The following CAMK2B variants were observed in gnomAD, a reference collection of about 807,000 sequenced individuals.
CAMK2B encodes the protein calcium/calmodulin dependent protein kinase II beta.
A neutral mutation model predicts 93.7 loss-of-function variants in CAMK2B; 27 were observed. The observed-to-expected ratio is 0.29, with a 90% CI of 0.21 to 0.40. CAMK2B has a LOEUF of 0.40. Ranked by LOEUF, CAMK2B falls within the 10% of genes least tolerant of loss-of-function variation. The pLI, the probability that CAMK2B is intolerant of heterozygous loss-of-function variation, is 1.00. For missense variants in CAMK2B, 568 were observed against 895.8 expected (o/e 0.63, Z 4.67); for synonymous variants, 374 against 358.8 (o/e 1.04, Z -0.48).
chr7:44,287,552 A>G (rs941920523), intron 1 of CAMK2B, among the ~76,000 whole-genome samples: 2 of 152,068 alleles, frequency 1.3e-5, no homozygotes, highest in African/African-American at 2.4e-5. Flanking sequence ...AGTGGCCACA[A>G]ACATGTTTAG....
chr7:44,319,846 GGTC>G (rs2116530830), intron 1 of CAMK2B, among the ~76,000 whole-genome samples: 1 of 152,262 alleles, frequency 6.6e-6, no homozygotes, highest in South Asian at 2.1e-4. Context: ...TGACACGGGG[GGTC>G]GTCATGAAAG....
At chr7:44,321,096 T>A (rs531097074) in intron 1 of CAMK2B, among the ~76,000 whole-genome samples, 10 of 152,314 alleles carry the variant, frequency 6.6e-5, no homozygotes, top group African/African-American at 2.4e-4. Context: ...GAGTGCCTGG[T>A]GTGCTCTGGG....
intron 1 of CAMK2B, among the ~76,000 whole-genome samples, chr7:44,317,670 A>C (rs995774021): frequency 6.6e-6 from 1 of 152,144 alleles, no homozygotes; most frequent in Admixed American, 6.5e-5. Flanking sequence ...CGTACTAGAA[A>C]ATTTTTAATC....
chr7:44,227,788 G>T, intron 19 of CAMK2B, among the ~76,000 whole-genome samples: 1 of 85,790 alleles, frequency 1.2e-5, no homozygotes, highest in South Asian at 4.3e-4. Flanking sequence ...GGGGACAGAG[G>T]AGGGTGTGGG....
chr7:44,238,594 G>A (rs183216015), intron 13 of CAMK2B, among the ~76,000 whole-genome samples: 93 of 152,342 alleles, frequency 6.1e-4, no homozygotes, highest in African/African-American at 2.2e-3. Flanking sequence ...CCAGAAGGAG[G>A]GTTCTCTGGC....
chr7:44,220,906 G>C lies in CAMK2B; in HGVS notation c.1598-5C>G, dbSNP rs528267706. 24 of 1,560,116 alleles carry C rather than the reference G, an allele frequency of 1.5e-5. No individual in the cohort carries two copies. The African/African-American group carries it at 2.4e-4, about 16-fold the overall frequency. The stretch of plus-strand genomic sequence containing the variant: ...TAATGATCTCCTGCTTCCGGGCTGT[G>C]GGGAGACATGGCCAGGTGACCACTG... On this transcript the variant is annotated splice_polypyrimidine_tract_variant and splice_region_variant and intron_variant, in intron 20 of 23. Transcript: ENST00000395749.
intron 1 of CAMK2B, among the ~76,000 whole-genome samples, chr7:44,317,228 T>C (rs1238832118): frequency 7.3e-6 from 1 of 136,990 alleles, no homozygotes; most frequent in Non-Finnish European, 1.6e-5. Flanking sequence ...CTATTATCCT[T>C]AAAAGAAACC....
At chr7:44,253,285 C>T (rs1341538692) in intron 5 of CAMK2B, among the ~76,000 whole-genome samples, 1 of 151,062 alleles carries the variant, frequency 6.6e-6, no homozygotes, top group Admixed American at 6.6e-5. Context: ...GCAATCTCAG[C>T]TCACTGCAAA....
chr7:44,231,809 C>A (rs1414888408), intron 16 of CAMK2B, among the ~76,000 whole-genome samples: 1 of 152,226 alleles, frequency 6.6e-6, no homozygotes, highest in African/African-American at 2.4e-5. Flanking sequence ...TTCAAAAGAC[C>A]ATCCCCCAGG....
At chr7:44,315,385 A>G (rs1794613713) in intron 1 of CAMK2B, among the ~76,000 whole-genome samples, 1 of 152,184 alleles carries the variant, frequency 6.6e-6, no homozygotes, top group Non-Finnish European at 1.5e-5. Context: ...AACTGAACAT[A>G]GATGTATGGA....
In CAMK2B at chr7:44,262,990, C is replaced by G; in HGVS notation, c.220+15G>C. ...GGTGGGGACCCATCCCCGCTCCCTA[C>G]CCCAGGCTGCTCACCGATGTTGGAA... On this transcript the variant is annotated intron_variant, in intron 3 of 23. Coordinates refer to ENST00000395749, the MANE Select transcript of CAMK2B (RefSeq NM_001220.5). 6.2e-7 allele frequency: 1 copy of G among 1,611,730 alleles called. No individual in the cohort carries two copies. The highest frequency in any genetic ancestry group is 8.5e-7 in the Non-Finnish European group (1 of 1,178,468).
intron 1 of CAMK2B, among the ~76,000 whole-genome samples, chr7:44,290,872 G>C (rs1786597763): frequency 6.6e-6 from 1 of 152,182 alleles, no homozygotes; most frequent in South Asian, 2.1e-4. Flanking sequence ...ATGTATGTTT[G>C]TATTATTGTT....
At chr7:44,234,740 C>A in intron 13 of CAMK2B, 64 bp from the exon 14 acceptor site, 1 of 1,550,186 alleles carries the variant, frequency 6.5e-7, no homozygotes, top group Non-Finnish European at 8.9e-7. Flanking sequence ...CAGCGCAACC[C>A]CACCCCTTTG....
intron 1 of CAMK2B, among the ~76,000 whole-genome samples, chr7:44,287,323 A>G (rs146349204): frequency 3.8e-4 from 58 of 151,956 alleles, no homozygotes; most frequent in Admixed American, 1.8e-3. Flanking sequence ...CACCCCAGTT[A>G]TTTGCCCGCT....
In CAMK2B at chr7:44,225,804, C is replaced by G. The variant is rs1457238657; in HGVS notation, c.1597+712G>C. On this transcript the variant is annotated intron_variant, in intron 20 of 23. Coordinates refer to ENST00000395749, the MANE Select transcript of CAMK2B (RefSeq NM_001220.5). This position sits in a 1 kb window ranked among gnomAD's most constrained non-coding sequence, Gnocchi z 5.0. Reference sequence around the variant, plus strand: ...CATGCCGAGCCCGTGGCCCAGCAGCCTCTTCTCTAAGAGTATCTCCACACC... The same window carrying G: ...CATGCCGAGCCCGTGGCCCAGCAGCGTCTTCTCTAAGAGTATCTCCACACC... 1.5e-5 allele frequency: 19 copies of G among 1,289,470 alleles called. No individual in the cohort carries two copies. The highest frequency in any genetic ancestry group is 1.9e-5 in the Non-Finnish European group (19 of 988,784). 79.9% of individuals were successfully genotyped at this position (1,289,470 alleles called of 1,614,324 possible). A position where few individuals can be genotyped will look rare whatever the true frequency, so the allele number is the denominator to read the frequency against.
At chr7:44,263,154 T>C in intron 2 of CAMK2B, 90 bp from the exon 3 acceptor site, 1 of 1,226,224 alleles carries the variant, frequency 8.2e-7, no homozygotes, top group Non-Finnish European at 1.2e-6. Context: ...CACAAGGGTG[T>C]GCCAGGGCCT....
At chr7:44,270,334 C>T (rs2096962998) in intron 2 of CAMK2B, among the ~76,000 whole-genome samples, 1 of 152,200 alleles carries the variant, frequency 6.6e-6, no homozygotes. Context: ...AGGGATGGGC[C>T]AGAAGCTGTG....
rs181824903 is a variant in CAMK2B, at chr7:44,284,107, C to T, written c.160+24G>A. ...CCCTGCCCCAGCCTGACAGCAGCTG[C>T]GCAGGACACTCCCCATGCCCTACCT... On this transcript the variant is annotated intron_variant, in intron 2 of 23. Transcript: ENST00000395749. The T allele has an allele frequency of 1.4e-5, 22 of 1,548,648 alleles. No individual in the cohort carries two copies. In the Admixed American group the frequency reaches 2.2e-4, roughly 15 times the overall value.
rs1291179271 is a variant in CAMK2B at position 44,242,230 on chromosome 7, G to A, written c.807C>T (p.His269=). Residue 269 remains histidine (H), a synonymous_variant, in exon 10 of 24, where the codon CAC becomes CAT. Transcript: ENST00000395749. The stretch of plus-strand genomic sequence containing the variant: ...AAGGGCGACTCACGCAGACCCACGG[G>A]TGCTTCAGGGCCTCATGGGCTGTGA... ...KRITAHEALK[H]PWVCQRSTVA... 4 of 1,613,626 alleles carry A rather than the reference G, an allele frequency of 2.5e-6. No homozygotes were observed. The African/African-American group carries it at 5.3e-5, about 22-fold the overall frequency.
Sources: allele counts gnomAD v4.1 joint callset (sites outside exome capture counted in the v4.1 genomes callset), GRCh38; gene constraint gnomAD v4.1.1; non-coding constraint Gnocchi (gnomAD v3.1); transcripts MANE v1.5; gene names NCBI Gene and HGNC (gene_info 2026-07-23, HGNC 2026-07-21).